PCDH15: variants seen among roughly 807,000 people sequenced by gnomAD.
PCDH15 encodes protocadherin related 15, also known as protocadherin-15.
Under a neutral mutation model 178.5 loss-of-function variants are expected in PCDH15, and 129 were observed. The observed-to-expected ratio is 0.72, with a 90% CI of 0.63 to 0.84. PCDH15 has a LOEUF of 0.84. Among genes scored for constraint, PCDH15 ranks in the 40% least tolerant of loss-of-function variants. PCDH15 has a pLI of 0.00. For synonymous variants in PCDH15, 800 were observed against 732.0 expected, an observed-to-expected ratio of 1.09 and a Z score of -1.50; for missense variants, 2,230 against 2,099.9, an observed-to-expected ratio of 1.06 and a Z score of -1.21.
intron 1 of PCDH15, among the ~76,000 whole-genome samples, chr10:55,235,763 C>T (rs891864169): frequency 2.0e-5 from 3 of 151,756 alleles, no homozygotes; most frequent in African/African-American, 4.9e-5. Flanking sequence ...AAAAATTAGC[C>T]GGGCGCGGTG....
At chr10:54,619,876 C>T (rs1167103478) in intron 2 of PCDH15, among the ~76,000 whole-genome samples, 1 of 151,878 alleles carries the variant, frequency 6.6e-6, no homozygotes, top group Non-Finnish European at 1.5e-5. Flanking sequence ...TTGTGTTATC[C>T]AAGACAGGGG....
chr10:53,925,764 A>G (rs990950393), intron 25 of PCDH15, among the ~76,000 whole-genome samples: 5 of 152,120 alleles, frequency 3.3e-5, no homozygotes, highest in African/African-American at 1.2e-4. Context: ...TGGTGTGTTC[A>G]GATGTGTGCA....
chr10:55,566,103 G>T (rs756445988), intron 2 of PCDH15, among the ~76,000 whole-genome samples: 1 of 151,282 alleles, frequency 6.6e-6, no homozygotes, highest in South Asian at 2.1e-4. Context: ...ATTACAGACC[G>T]CAAGCAAAAG....
intron 3 of PCDH15, among the ~76,000 whole-genome samples, chr10:54,401,553 C>T (rs1269383502): frequency 6.6e-6 from 1 of 151,270 alleles, no homozygotes; most frequent in South Asian, 2.1e-4. Flanking sequence ...GTCAAATATC[C>T]GAAGATTATA....
intron 25 of PCDH15, among the ~76,000 whole-genome samples, chr10:53,936,499 C>T (rs945905929): frequency 7.9e-5 from 12 of 151,960 alleles, no homozygotes; most frequent in South Asian, 2.1e-4. Context: ...TTTCCCAGGG[C>T]GTGATTATGT....
rs12761738 is a variant in PCDH15, at chr10:54,562,486, G to T, written c.92-34609C>A. Among the ~76,000 whole-genome samples the T allele has an allele frequency of 3.3e-3, 504 of 152,184 alleles. 1 individual carries two copies. The highest frequency in any genetic ancestry group is 0.01 in the Middle Eastern group (3 of 294). ...AAGTTAATTATTCCTTTTATGAAAG[G>T]TCTCTCATGGCATACAAAGTCATGT... On this transcript the variant is annotated intron_variant, in intron 2 of 37. Transcript: ENST00000644397.
chr10:55,576,589 G>T (rs2132115201), intron 2 of PCDH15, among the ~76,000 whole-genome samples: 1 of 152,298 alleles, frequency 6.6e-6, no homozygotes, highest in African/African-American at 2.4e-5. Flanking sequence ...TTTGTAGCAA[G>T]ATTAATAAAT....
intron 2 of PCDH15, among the ~76,000 whole-genome samples, chr10:55,082,458 G>A (rs958044819): frequency 5.3e-5 from 8 of 150,594 alleles, no homozygotes; most frequent in African/African-American, 1.9e-4. Context: ...CATCAAAAAA[G>A]CAGAAAAATG....
At chr10:53,938,997 T>C (rs1424902468) in intron 24 of PCDH15, 42 bp from the exon 25 acceptor site, 1 of 1,586,868 alleles carries the variant, frequency 6.3e-7, no homozygotes, top group Admixed American at 1.7e-5. Flanking sequence ...GTCTTTACGC[T>C]ATAAGGAAAG....
intron 2 of PCDH15, among the ~76,000 whole-genome samples, chr10:55,486,864 C>G (rs1181035495): frequency 6.6e-6 from 1 of 151,460 alleles, no homozygotes; most frequent in Admixed American, 6.6e-5. Context: ...CTTCTCACTG[C>G]TCATTTCCCT....
intron 2 of PCDH15, among the ~76,000 whole-genome samples, chr10:55,067,206 A>G (rs551355154): frequency 2.6e-5 from 4 of 152,054 alleles, no homozygotes; most frequent in African/African-American, 7.2e-5. Flanking sequence ...TAACTGTATG[A>G]CTGTACTCAT....
chr10:55,352,249 GTTTAT>G (rs1844957791), intron 2 of PCDH15, among the ~76,000 whole-genome samples: 1 of 151,998 alleles, frequency 6.6e-6, no homozygotes, highest in Non-Finnish European at 1.5e-5. Context: ...ATTACTTGCT[GTTTAT>G]TTTATGTTTA....
At chr10:55,552,020 A>G (rs1842012400) in intron 2 of PCDH15, among the ~76,000 whole-genome samples, 1 of 151,752 alleles carries the variant, frequency 6.6e-6, no homozygotes, top group African/African-American at 2.4e-5. Context: ...AAGACAAGTG[A>G]AAAAACAAAA....
intron 3 of PCDH15, among the ~76,000 whole-genome samples, chr10:54,527,220 G>A (rs2132654505): frequency 6.6e-6 from 1 of 152,118 alleles, no homozygotes; most frequent in African/African-American, 2.4e-5. Context: ...TAATGATAAG[G>A]AAAAAAAGTT....
chr10:55,032,192 T>C (rs1840628444), intron 2 of PCDH15, among the ~76,000 whole-genome samples: 1 of 152,160 alleles, frequency 6.6e-6, no homozygotes, highest in Admixed American at 6.5e-5. Flanking sequence ...TCTGATTAGG[T>C]CCCAGATGGA....
chr10:55,126,239 C>A (rs1837897819), intron 2 of PCDH15, among the ~76,000 whole-genome samples: 1 of 152,164 alleles, frequency 6.6e-6, no homozygotes, highest in Admixed American at 6.6e-5. Flanking sequence ...CTTTCCTAAG[C>A]ACATCTTTCT....
intron 23 of PCDH15, among the ~76,000 whole-genome samples, chr10:53,945,674 GT>G (rs935318901): frequency 6.6e-6 from 1 of 151,410 alleles, no homozygotes; most frequent in Non-Finnish European, 1.5e-5. Flanking sequence ...AGAACATGCA[GT>G]TTTTTTCTCT....
At chr10:54,105,288 AT>A (rs2094894334) in intron 15 of PCDH15, among the ~76,000 whole-genome samples, 1 of 65,338 alleles carries the variant, frequency 1.5e-5, no homozygotes, top group Admixed American at 1.4e-4. Flanking sequence ...ATATATATAT[AT>A]ATATATATAT....
At chr10:54,789,313 G>T (rs1359972465) in intron 1 of PCDH15, among the ~76,000 whole-genome samples, 1 of 151,824 alleles carries the variant, frequency 6.6e-6, no homozygotes, top group Admixed American at 6.6e-5. Flanking sequence ...TTGCTGAGAA[G>T]CTGCAGGAGA....
Sources: allele counts gnomAD v4.1 joint callset (sites outside exome capture counted in the v4.1 genomes callset), GRCh38; gene constraint gnomAD v4.1.1; transcripts MANE v1.5; gene names NCBI Gene and HGNC (gene_info 2026-07-23, HGNC 2026-07-21).